The following DPYD variants were observed in gnomAD, a reference collection of about 807,000 sequenced individuals.
The protein encoded by DPYD is dihydropyrimidine dehydrogenase.
Under a neutral mutation model 116.2 loss-of-function variants are expected in DPYD, and 109 were observed. The ratio of observed to expected loss-of-function variants is 0.94; its 90% CI spans 0.80 to 1.10. The LOEUF (loss-of-function observed/expected upper bound fraction) is 1.10, where lower values mean the gene tolerates loss of function less well. DPYD is among the 50% of genes least tolerant of loss of function. The probability of loss-of-function intolerance (pLI) is 0.00; values close to 1 mark genes in which losing one functional copy is unlikely to be tolerated. For synonymous variants in DPYD, 440 were observed against 432.0 expected (o/e 1.02, Z -0.23); for missense variants, 1,302 against 1,254.5 (o/e 1.04, Z -0.57).
intron 20 of DPYD, among the ~76,000 whole-genome samples, chr1:97,180,086 A>C (rs1276588747): frequency 6.6e-6 from 1 of 152,128 alleles, no homozygotes; most frequent in East Asian, 1.9e-4. Flanking sequence ...GAAGCTAAAA[A>C]TAAATTTAAT....
chr1:97,590,709 A>C (rs1654446188), intron 10 of DPYD, among the ~76,000 whole-genome samples: 1 of 152,164 alleles, frequency 6.6e-6, no homozygotes, highest in African/African-American at 2.4e-5. Context: ...TTTGGTAATC[A>C]AGTTTCAGGC....
chr1:97,765,165 G>A (rs941162372), intron 3 of DPYD, among the ~76,000 whole-genome samples: 14 of 152,124 alleles, frequency 9.2e-5, no homozygotes, highest in African/African-American at 2.9e-4. Context: ...TCTATACAAC[G>A]CCTTCACTCT....
At chr1:97,203,703 G>T (rs1360639661) in intron 19 of DPYD, among the ~76,000 whole-genome samples, 1 of 84,742 alleles carries the variant, frequency 1.2e-5, no homozygotes, top group Admixed American at 1.7e-4. Flanking sequence ...AAAGTCTATA[G>T]GGAAAATTAA....
Position 97,139,737 on chromosome 1 carries a change from A to G in DPYD, c.2623-41105T>C, listed in dbSNP as rs545050880. Among the ~76,000 whole-genome samples, 60 of 152,282 alleles carry G rather than the reference A, an allele frequency of 3.9e-4. 1 individual carries two copies. Among genetic ancestry groups the G allele is most frequent in the Non-Finnish European group, 6.9e-4 (47 of 68,028 alleles). ...AGATGAGGCCCCAACTATGAAAGGA[A>G]TGTTGGCAAATCTCCTTCTTTCTAA... On this transcript the variant is annotated intron_variant, in intron 20 of 22. Transcript: ENST00000370192.
chr1:97,845,779 C>T (rs568256786), intron 2 of DPYD, among the ~76,000 whole-genome samples: 41 of 152,322 alleles, frequency 2.7e-4, no homozygotes, highest in African/African-American at 9.4e-4. Context: ...AGGGCTGTCA[C>T]ATCCTCTTTG....
At position 97,305,281 on chromosome 1, in the gene DPYD, T is replaced by A. The variant is rs1220997866; in HGVS notation, c.2277A>T (p.Arg759=). ...TPWPAVGIAK[R]TTYGGVSGTA... is the part of the protein sequence containing the mutation. ...TACCAGACACTCCTCCATATGTAGTTCGCTTTGCAATCCCCACTGCTGGCC... is the reference window on the plus strand; with the variant it reads ...TACCAGACACTCCTCCATATGTAGTACGCTTTGCAATCCCCACTGCTGGCC... The change falls in exon 18 of 23, where the codon CGA becomes CGT. Residue 759 remains arginine (R), a synonymous_variant. Transcript: ENST00000370192. 6.2e-7 allele frequency: 1 copy of A among 1,612,468 alleles called. No individual in the cohort carries two copies. The highest frequency in any genetic ancestry group is 1.3e-5 in the African/African-American group (1 of 74,906).
chr1:97,620,701 A>G (rs2100769999), intron 8 of DPYD, among the ~76,000 whole-genome samples: 1 of 152,258 alleles, frequency 6.6e-6, no homozygotes, highest in East Asian at 1.9e-4. Context: ...TATAAATTCT[A>G]TTCGTATATG....
At chr1:97,693,307 A>AC (rs1341975824) in intron 6 of DPYD, among the ~76,000 whole-genome samples, 1 of 127,200 alleles carries the variant, frequency 7.9e-6, no homozygotes, top group Admixed American at 7.6e-5. Flanking sequence ...AAAAAAAAAA[A>AC]AAAAAAAAAA....
chr1:97,482,149 G>GTA (rs1678355968), intron 13 of DPYD, among the ~76,000 whole-genome samples: 2 of 151,890 alleles, frequency 1.3e-5, no homozygotes, highest in African/African-American at 4.8e-5. Flanking sequence ...GAGTCTAAGG[G>GTA]GTATATATAA....
chr1:97,595,526 TA>T (rs1351785742), intron 8 of DPYD, among the ~76,000 whole-genome samples: 6 of 151,722 alleles, frequency 4.0e-5, no homozygotes, highest in East Asian at 1.9e-4. Flanking sequence ...GTACTAAATA[TA>T]AAAAAAGTTA....
In DPYD at chr1:97,376,779, G is replaced by T. The variant is rs1478046451; in HGVS notation, c.1975-3135C>A. Among the ~76,000 whole-genome samples the T allele has an allele frequency of 2.6e-5, 4 of 152,056 alleles. No homozygotes were observed. In the East Asian group the frequency reaches 7.7e-4, roughly 29 times the overall value. On this transcript the variant is annotated intron_variant, in intron 15 of 22. Coordinates refer to ENST00000370192, the MANE Select transcript of DPYD (RefSeq NM_000110.4). ...TGGTTATAAAATGAAATATCCTAGT[G>T]ATGGCAGTGACATAGGAAATACACT...
At position 97,454,764 on chromosome 1, in the gene DPYD, T is replaced by C. The variant is rs979637098; in HGVS notation, c.1741-4541A>G. Among the ~76,000 whole-genome samples, 4 of 152,052 alleles carry C rather than the reference T, an allele frequency of 2.6e-5. No individual in the cohort carries two copies. The South Asian group carries it at 8.3e-4, about 32-fold the overall frequency. Reference sequence around the variant, plus strand: ...ACTTGACCTCTCTTATTATAAAAACTTATGATGTTTCTATGGTTACTACTG... The same window carrying C: ...ACTTGACCTCTCTTATTATAAAAACCTATGATGTTTCTATGGTTACTACTG... On this transcript the variant is annotated intron_variant, in intron 13 of 22. Transcript: ENST00000370192.
intron 8 of DPYD, among the ~76,000 whole-genome samples, chr1:97,624,315 C>G (rs1476182623): frequency 6.6e-6 from 1 of 151,936 alleles, no homozygotes; most frequent in South Asian, 2.1e-4. Flanking sequence ...GGCAAGGGAT[C>G]TAAATAGACA....
chr1:97,177,535 G>C, intron 20 of DPYD, among the ~76,000 whole-genome samples: 1 of 151,608 alleles, frequency 6.6e-6, no homozygotes, highest in East Asian at 1.9e-4. Context: ...GAACTGTGAA[G>C]GGATAAAGAA....
intron 5 of DPYD, among the ~76,000 whole-genome samples, chr1:97,709,443 C>T (rs773157716): frequency 1.3e-5 from 2 of 151,460 alleles, no homozygotes; most frequent in Non-Finnish European, 1.5e-5. Context: ...ATTGTGGGTA[C>T]ATAGTACATT....
intron 14 of DPYD, among the ~76,000 whole-genome samples, chr1:97,440,153 T>C (rs1375729506): frequency 6.6e-6 from 1 of 151,290 alleles, no homozygotes; most frequent in Non-Finnish European, 1.5e-5. Context: ...CGCATGCCTG[T>C]AATCCCAACT....
intron 8 of DPYD, among the ~76,000 whole-genome samples, chr1:97,626,785 T>C (rs1421979853): frequency 3.3e-5 from 5 of 152,098 alleles, no homozygotes; most frequent in African/African-American, 1.2e-4. Flanking sequence ...ACATATTACA[T>C]GCTAAGTATT....
intron 3 of DPYD, among the ~76,000 whole-genome samples, chr1:97,787,023 G>A (rs948901672): frequency 6.6e-6 from 1 of 152,092 alleles, no homozygotes; most frequent in East Asian, 1.9e-4. Flanking sequence ...ACAGGTCACT[G>A]TGAACTAAGA....
intron 14 of DPYD, among the ~76,000 whole-genome samples, chr1:97,401,218 C>G (rs185153129): frequency 1.1e-3 from 171 of 152,188 alleles, no homozygotes; most frequent in Admixed American, 2.4e-3. Flanking sequence ...GATAACCGTA[C>G]TTTCTCCAAT....
Sources: allele counts gnomAD v4.1 joint callset (sites outside exome capture counted in the v4.1 genomes callset), GRCh38; gene constraint gnomAD v4.1.1; transcripts MANE v1.5; gene names NCBI Gene and HGNC (gene_info 2026-07-23, HGNC 2026-07-21).